PMS1: variants seen among roughly 807,000 people sequenced by gnomAD.
PMS1 encodes the protein PMS1 homolog 1, mismatch repair system component, also known as PMS1 protein homolog 1.
A neutral mutation model predicts 93.1 loss-of-function variants in PMS1; 79 were observed. The observed-to-expected ratio is 0.85, with a 90% CI of 0.71 to 1.02. The LOEUF is 1.02. Ranked by LOEUF, PMS1 falls within the 50% of genes least tolerant of loss-of-function variation. The pLI is 0.00. For synonymous variants in PMS1, 335 were observed against 363.4 expected, an observed-to-expected ratio of 0.92 and a Z score of 0.89; for missense variants, 1,064 against 1,085.3, an observed-to-expected ratio of 0.98 and a Z score of 0.28.
intron 3 of PMS1, among the ~76,000 whole-genome samples, chr2:189,803,589 C>G (rs1018281022): frequency 6.6e-6 from 1 of 152,202 alleles, no homozygotes; most frequent in East Asian, 1.9e-4. Flanking sequence ...GGAGTTACTG[C>G]AGGCTCAAAT....
chr2:189,797,956 A>G (rs963051688), intron 3 of PMS1, among the ~76,000 whole-genome samples: 1 of 152,190 alleles, frequency 6.6e-6, no homozygotes, highest in African/African-American at 2.4e-5. Context: ...AGTTGAAAAT[A>G]TTGTAAATCG....
At chr2:189,826,771 G>A (rs931048815) in intron 5 of PMS1, among the ~76,000 whole-genome samples, 3 of 152,094 alleles carry the variant, frequency 2.0e-5, no homozygotes, top group African/African-American at 7.2e-5. Flanking sequence ...TTTTATAGGA[G>A]GGAGGGCTGC....
chr2:189,842,304 T>A (rs1575221377), intron 5 of PMS1, among the ~76,000 whole-genome samples: 1 of 152,066 alleles, frequency 6.6e-6, no homozygotes, highest in East Asian at 1.9e-4. Flanking sequence ...CCTTATAGGT[T>A]CCTTTTCTTC....
intron 5 of PMS1, among the ~76,000 whole-genome samples, chr2:189,834,870 C>T (rs2053252849): frequency 6.6e-6 from 1 of 152,062 alleles, no homozygotes; most frequent in African/African-American, 2.4e-5. Flanking sequence ...GCAAGGAACA[C>T]AGGTGCATGC....
intron 2 of PMS1, among the ~76,000 whole-genome samples, chr2:189,793,815 CATG>C (rs1305686942): frequency 6.6e-6 from 1 of 152,206 alleles, no homozygotes; most frequent in African/African-American, 2.4e-5. Context: ...TGTGGCTCTA[CATG>C]ATAAGACCTG....
At chr2:189,826,814 G>A (rs2052471345) in intron 5 of PMS1, among the ~76,000 whole-genome samples, 1 of 152,148 alleles carries the variant, frequency 6.6e-6, no homozygotes, top group Admixed American at 6.6e-5. Flanking sequence ...TTAATAGTGA[G>A]TGCATAGTAC....
chr2:189,864,734 AT>A (rs2056487687), intron 10 of PMS1, among the ~76,000 whole-genome samples: 1 of 88,894 alleles, frequency 1.1e-5, no homozygotes, highest in Non-Finnish European at 2.1e-5. Flanking sequence ...ATATATATAT[AT>A]GATTTCTAAT....
chr2:189,848,464 C>G (rs2054431320), intron 6 of PMS1, among the ~76,000 whole-genome samples: 1 of 152,188 alleles, frequency 6.6e-6, no homozygotes, highest in African/African-American at 2.4e-5. Context: ...ATGAATCAGT[C>G]CTGTACTTGG....
chr2:189,838,279 C>T (rs2053552859), intron 5 of PMS1, among the ~76,000 whole-genome samples: 1 of 152,054 alleles, frequency 6.6e-6, no homozygotes, highest in East Asian at 1.9e-4. Flanking sequence ...CAACTAGCAG[C>T]CTTATCTCTG....
At chr2:189,845,248 CA>C in intron 6 of PMS1, among the ~76,000 whole-genome samples, 1 of 152,102 alleles carries the variant, frequency 6.6e-6, no homozygotes, top group Non-Finnish European at 1.5e-5. Flanking sequence ...GACTATAAAA[CA>C]ATCTTCGTTA....
At chr2:189,821,182 C>T (rs1157311636) in intron 5 of PMS1, among the ~76,000 whole-genome samples, 4 of 152,172 alleles carry the variant, frequency 2.6e-5, no homozygotes, top group Admixed American at 6.5e-5. Flanking sequence ...GTGGGCTGGG[C>T]GCAGTGGCTC....
intron 4 of PMS1, among the ~76,000 whole-genome samples, chr2:189,807,928 G>C (rs1012022759): frequency 6.6e-6 from 1 of 152,028 alleles, no homozygotes; most frequent in Admixed American, 6.5e-5. Flanking sequence ...GAAAACAGCA[G>C]AAAGTTAAAG....
chr2:189,847,068 A>C (rs545487594), intron 6 of PMS1, among the ~76,000 whole-genome samples: 1 of 151,816 alleles, frequency 6.6e-6, no homozygotes, highest in Non-Finnish European at 1.5e-5. Flanking sequence ...CACCATGTTG[A>C]ACAGGCTGGT....
At chr2:189,869,602 A>C (rs2056960846) in intron 11 of PMS1, among the ~76,000 whole-genome samples, 1 of 152,020 alleles carries the variant, frequency 6.6e-6, no homozygotes, top group South Asian at 2.1e-4. Flanking sequence ...GGATCACCTG[A>C]GATCAGGGGT....
chr2:189,851,349 C>T (rs893996296), intron 6 of PMS1, among the ~76,000 whole-genome samples: 4 of 152,146 alleles, frequency 2.6e-5, no homozygotes, highest in Non-Finnish European at 4.4e-5. Context: ...ATAAGTCTTT[C>T]AGAGGCTAAA....
chr2:189,807,362 T>G (rs1481821791), intron 4 of PMS1, among the ~76,000 whole-genome samples: 2 of 152,140 alleles, frequency 1.3e-5, no homozygotes. Context: ...ATTATAATTC[T>G]TTTACTGTAT....
intron 3 of PMS1, among the ~76,000 whole-genome samples, chr2:189,797,396 T>G (rs1001729473): frequency 6.6e-6 from 1 of 152,210 alleles, no homozygotes; most frequent in Non-Finnish European, 1.5e-5. Flanking sequence ...TTATAACTAG[T>G]TTGTAGCAAA....
intron 4 of PMS1, among the ~76,000 whole-genome samples, chr2:189,815,790 CTTTA>C (rs2051245926): frequency 6.6e-6 from 1 of 152,176 alleles, no homozygotes; most frequent in African/African-American, 2.4e-5. Context: ...TCTCATGAAT[CTTTA>C]TTTAAGTTAT....
chr2:189,865,280 CTA>C (rs1336538028), intron 10 of PMS1, among the ~76,000 whole-genome samples: 1 of 152,088 alleles, frequency 6.6e-6, no homozygotes, highest in Non-Finnish European at 1.5e-5. Flanking sequence ...AAAAATCACT[CTA>C]TTATTGTAGA....
Sources: allele counts gnomAD v4.1 joint callset (sites outside exome capture counted in the v4.1 genomes callset), GRCh38; gene constraint gnomAD v4.1.1; transcripts MANE v1.5; gene names NCBI Gene and HGNC (gene_info 2026-07-23, HGNC 2026-07-21).